Variants in NCLN observed in about 807,000 individuals in gnomAD.
NCLN encodes the protein BOS complex subunit NCLN.
NCLN carries 34 observed loss-of-function variants against 69.5 expected under a neutral mutation model. The observed-to-expected ratio is 0.49, with a 90% confidence interval of 0.37 to 0.65. The LOEUF (loss-of-function observed/expected upper bound fraction) is 0.65. NCLN is among the 30% of genes least tolerant of loss of function. The pLI is 0.00. For synonymous variants in NCLN, 393 were observed against 358.3 expected (o/e 1.10, Z -1.09); for missense variants, 710 against 804.8 (o/e 0.88, Z 1.42).
chr19:3,191,423 C>G (rs559696525), intron 1 of NCLN, among the ~76,000 whole-genome samples: 15 of 152,316 alleles, frequency 9.8e-5, no homozygotes, highest in African/African-American at 3.6e-4. Flanking sequence ...CCGCCTCGCC[C>G]CAGAGACACC....
At position 3,186,079 on chromosome 19, in the gene NCLN, T is replaced by C. The variant is rs1238102726; in HGVS notation, c.49T>C (p.Cys17Arg). 6.3e-7 allele frequency: 1 copy of C among 1,599,342 alleles called. No homozygotes were observed. The highest frequency in any genetic ancestry group is 1.1e-5 in the South Asian group (1 of 89,818). ...EVLENMLKAS[C>R]LPLGFIVFLP... is the part of the protein sequence containing the mutation. ...GCTGGAGAACATGCTGAAGGCGTCT[T>C]GTCTGCCGCTCGGCTTCATCGTCTT... The change falls in exon 1 of 15, where the codon TGT becomes CGT. Residue 17 changes from cysteine (C) to arginine (R), a missense_variant. Transcript: ENST00000246117.
At chr19:3,192,437 C>T (rs1915850274) in intron 1 of NCLN, 33 bp from the exon 2 acceptor site, 1 of 1,540,020 alleles carries the variant, frequency 6.5e-7, no homozygotes, top group Admixed American at 2.1e-5. Flanking sequence ...TGGCCACCCG[C>T]CGAGGCTCAC....
chr19:3,204,606 T>G lies in NCLN; in HGVS notation c.1063T>G (p.Ser355Ala). ...AAHQFPEVRF[S>A]MVHKRINLAE... ...GCACCAGTTCCCTGAGGTACGGTTC[T>G]CCATGGTGCACAAGCGGATCAACCT... Residue 355 changes from serine to alanine, a missense_variant, in exon 9 of 15, where the codon TCC becomes GCC. Physicochemically the swap from Ser to Ala is moderately conservative, Grantham distance 99. Transcript: ENST00000246117. The G allele has an allele frequency of 6.3e-7, 1 of 1,585,764 alleles. No individual in the cohort carries two copies. The highest frequency in any genetic ancestry group is 8.6e-7 in the Non-Finnish European group (1 of 1,166,546).
At chr19:3,186,882 T>C (rs1338217604) in intron 1 of NCLN, among the ~76,000 whole-genome samples, 1 of 151,080 alleles carries the variant, frequency 6.6e-6, no homozygotes, top group Admixed American at 6.6e-5. Context: ...ATTTTCTCGC[T>C]CTAGTCACCG....
intron 5 of NCLN, among the ~76,000 whole-genome samples, chr19:3,201,143 G>C (rs946394029): frequency 1.3e-5 from 2 of 152,228 alleles, no homozygotes; most frequent in African/African-American, 4.8e-5. Context: ...CCCGCACAGA[G>C]ACCAGGGCTG....
intron 3 of NCLN, among the ~76,000 whole-genome samples, chr19:3,194,744 C>CTTTTTTTTT (rs745406038): frequency 1.5e-5 from 2 of 136,490 alleles, no homozygotes; most frequent in Non-Finnish European, 3.1e-5. Flanking sequence ...GAGTCGTCTT[C>CTTTTTTTTT]TTTTTTTTTT....
intron 1 of NCLN, among the ~76,000 whole-genome samples, chr19:3,187,329 G>A (rs1233275235): frequency 2.0e-5 from 3 of 152,136 alleles, no homozygotes; most frequent in Non-Finnish European, 4.4e-5. Flanking sequence ...TTTTCAGCCT[G>A]GCCCCTCAGG....
intron 1 of NCLN, among the ~76,000 whole-genome samples, chr19:3,188,507 G>A (rs1023555214): frequency 2.0e-5 from 3 of 151,746 alleles, no homozygotes; most frequent in Non-Finnish European, 2.9e-5. Context: ...TTCCTTCCCC[G>A]ATTCCCTCGG....
intron 1 of NCLN, among the ~76,000 whole-genome samples, chr19:3,187,004 C>T (rs1915687117): frequency 1.3e-5 from 2 of 152,286 alleles, no homozygotes; most frequent in Admixed American, 1.3e-4. Flanking sequence ...CCTCCCACGT[C>T]CCCAGTTCAG....
chr19:3,204,177 T>A, intron 8 of NCLN, 33 bp downstream of exon 8: 1 of 1,483,016 alleles, frequency 6.7e-7, no homozygotes, highest in Non-Finnish European at 8.9e-7. Context: ...GGTCCGGAGC[T>A]CTGCGGAGCA....
chr19:3,194,349 C>A (rs999815683), intron 3 of NCLN, among the ~76,000 whole-genome samples: 18 of 152,152 alleles, frequency 1.2e-4, no homozygotes, highest in Non-Finnish European at 8.8e-5. Flanking sequence ...CACCATTGCA[C>A]TCCAGCCTGG....
At chr19:3,200,005 T>C (rs1916084654) in intron 5 of NCLN, among the ~76,000 whole-genome samples, 1 of 151,534 alleles carries the variant, frequency 6.6e-6, no homozygotes, top group Non-Finnish European at 1.5e-5. Context: ...CAGTCCTGCC[T>C]CCTTTGAACA....
Position 3,204,033 on chromosome 19 carries a change from C to G in NCLN, c.918C>G (p.Ala306=). The change falls in exon 8 of 15, where the codon GCC becomes GCG. Residue 306 remains alanine (A), a synonymous_variant. Coordinates refer to ENST00000246117, the MANE Select transcript of NCLN (RefSeq NM_020170.4). ...TDSSLLQDNV[A]FVLCLDTVGR... The stretch of plus-strand genomic sequence containing the variant: ...CCAGCCTGCTTCAGGACAATGTGGC[C>G]TTCGTGCTGTGCCTGGACACCGTGG... 9 of 1,574,698 alleles carry G rather than the reference C, an allele frequency of 5.7e-6. No individual in the cohort carries two copies. The highest frequency in any genetic ancestry group is 7.8e-6 in the Non-Finnish European group (9 of 1,160,120).
chr19:3,202,581 A>C (rs1916154909), intron 6 of NCLN, among the ~76,000 whole-genome samples: 1 of 152,156 alleles, frequency 6.6e-6, no homozygotes, highest in Non-Finnish European at 1.5e-5. Flanking sequence ...GGCCAGGGCC[A>C]CTGTGGCTGA....
chr19:3,189,492 A>G (rs571833066), intron 1 of NCLN, among the ~76,000 whole-genome samples: 2 of 152,334 alleles, frequency 1.3e-5, no homozygotes, highest in South Asian at 2.1e-4. Flanking sequence ...CCAGAGCCCT[A>G]TGGCCCGAGA....
At chr19:3,186,417 C>G (rs1915671217) in intron 1 of NCLN, among the ~76,000 whole-genome samples, 1 of 152,146 alleles carries the variant, frequency 6.6e-6, no homozygotes, top group African/African-American at 2.4e-5. Context: ...AGGGACCCCC[C>G]GCGCTCGCTC....
In NCLN at chr19:3,205,759, G is replaced by C. The variant is rs1916246766; in HGVS notation, c.1209-180G>C. 1.6e-6 allele frequency: 1 copy of C among 625,580 alleles called. No homozygotes were observed. Among genetic ancestry groups the C allele is most frequent in the Admixed American group, 2.9e-5 (1 of 34,212 alleles). 38.8% of individuals were successfully genotyped at this position (625,580 alleles called of 1,614,324 possible). ...AGGGCAAGGGGCCTGGAGGTGTGGG[G>C]CCCCCAGTGAATCTGCATCTACATG... On this transcript the variant is annotated intron_variant, in intron 9 of 14. Transcript: ENST00000246117. This position sits in a 1 kb window ranked among gnomAD's most constrained non-coding sequence, Gnocchi z 4.6.
rs775115643 is a variant in NCLN at position 3,192,671 on chromosome 19, G to C, written c.375+11G>C. The C allele has an allele frequency of 1.4e-5, 21 of 1,518,900 alleles. No homozygotes were observed. The highest frequency in any genetic ancestry group is 1.1e-4 in the Admixed American group (5 of 46,210). 94.1% of individuals were successfully genotyped at this position (1,518,900 alleles called of 1,614,324 possible). The stretch of plus-strand genomic sequence containing the variant: ...CAGGACGTCGTCCGGGTGAGCGTCT[G>C]CCCTGCCCCGCCCGGCTCAGGTCCA... On this transcript the variant is annotated intron_variant, in intron 2 of 14. Transcript: ENST00000246117.
chr19:3,206,090 C>G (rs1916258145), intron 10 of NCLN, 62 bp from the exon 11 acceptor site: 1 of 1,509,834 alleles, frequency 6.6e-7, no homozygotes, highest in South Asian at 1.4e-5. Flanking sequence ...CCCGGCCCCA[C>G]CCCTGGCCCC....
Sources: allele counts gnomAD v4.1 joint callset (sites outside exome capture counted in the v4.1 genomes callset), GRCh38; gene constraint gnomAD v4.1.1; non-coding constraint Gnocchi (gnomAD v3.1); transcripts MANE v1.5; gene names NCBI Gene and HGNC (gene_info 2026-07-23, HGNC 2026-07-21).